ABCC5: variants seen among roughly 807,000 people sequenced by gnomAD.
ABCC5 encodes ATP-binding cassette sub-family C member 5.
A neutral mutation model predicts 160.9 loss-of-function variants in ABCC5; 61 were observed. The ratio of observed to expected loss-of-function variants is 0.38; its 90% CI spans 0.31 to 0.47. The LOEUF (loss-of-function observed/expected upper bound fraction) is 0.47, where lower values mean the gene tolerates loss of function less well. Among genes scored for constraint, ABCC5 ranks in the 20% least tolerant of loss-of-function variants. ABCC5 has a pLI of 0.99. For synonymous variants in ABCC5, 666 were observed against 700.6 expected, an observed-to-expected ratio of 0.95 and a Z score of 0.78; for missense variants, 1,308 against 1,813.3, an observed-to-expected ratio of 0.72 and a Z score of 5.06.
rs148784603 is a variant in ABCC5 at position 183,987,912 on chromosome 3, T to C, written c.449A>G (p.Glu150Gly). The C allele has an allele frequency of 2.2e-5, 35 of 1,613,884 alleles. No individual in the cohort carries two copies. The highest frequency in any genetic ancestry group is 4.2e-6 in the Non-Finnish European group (5 of 1,180,024). ...ATTCAGCTCTTCTTGCCACAGTCTC[T>C]CTAGTCTTAACAAGGGCACACGTCC... is the stretch of plus-strand genomic sequence containing the variant. The part of the protein sequence containing the change: ...ESSDVNCRRL[E>G]RLWQEELNEV... Residue 150 changes from glutamate (E) to glycine (G), a missense_variant, in exon 5 of 30, where the codon GAG becomes GGG. By Grantham distance (98) the Glu-to-Gly change is moderately conservative. Around this residue, in one of 3 missense-constraint regions of ABCC5, gnomAD observed 1,142 missense variants for 1,527.1 expected, o/e 0.75. Transcript: ENST00000334444. The surrounding 1 kb of genome is among the most constrained non-coding windows in gnomAD (Gnocchi z 4.2).
chr3:183,927,195 G>A, intron 28 of ABCC5, 135 bp downstream of exon 28: 2 of 852,180 alleles, frequency 2.3e-6, no homozygotes, highest in Non-Finnish European at 3.6e-6. Flanking sequence ...CAGGGTTAGA[G>A]TTATCTCTGG....
At position 183,949,909 on chromosome 3, in the gene ABCC5, A is replaced by G; in HGVS notation, c.3099-28T>C. The G allele has an allele frequency of 1.2e-6, 2 of 1,614,132 alleles. No individual in the cohort carries two copies. The highest frequency in any genetic ancestry group is 1.7e-6 in the Non-Finnish European group (2 of 1,179,980). The stretch of plus-strand genomic sequence containing the variant: ...GGAGAGAGAATGAGCTCCGTGTCAC[A>G]GCACCTACCCAGCAACTGAGGCTTC... On this transcript the variant is annotated intron_variant, in intron 21 of 29. Transcript: ENST00000334444. This position sits in a 1 kb window ranked among gnomAD's most constrained non-coding sequence, Gnocchi z 4.2.
rs1716997033 is a variant in ABCC5 at position 183,963,829 on chromosome 3, A to G, written c.2032-241T>C. Among the ~76,000 whole-genome samples the G allele has an allele frequency of 6.6e-6, 1 of 152,162 alleles. No homozygotes were observed. The highest frequency in any genetic ancestry group is 6.5e-5 in the Admixed American group (1 of 15,278). On this transcript the variant is annotated intron_variant, in intron 14 of 29. Coordinates refer to ENST00000334444, the MANE Select transcript of ABCC5 (RefSeq NM_005688.4). The surrounding 1 kb of genome is among the most constrained non-coding windows in gnomAD (Gnocchi z 4.6). ...CCATCTGGGTACCGATCAATCCTACATCTGGTCTTGCCAGTCCACCCGGAT... is the reference window on the plus strand; with the variant it reads ...CCATCTGGGTACCGATCAATCCTACGTCTGGTCTTGCCAGTCCACCCGGAT...
intron 28 of ABCC5, among the ~76,000 whole-genome samples, chr3:183,926,842 C>T (rs147248411): frequency 0.037 from 5,594 of 151,848 alleles, 340 homozygotes; most frequent in African/African-American, 0.13. Flanking sequence ...GTCAAGAGAT[C>T]GAGACTATCC....
At chr3:183,977,659 TGATGCTATGCAA>T (rs2108846022) in intron 9 of ABCC5, 35 bp from the exon 10 acceptor site, 20 of 1,507,936 alleles carry the variant, frequency 1.3e-5, no homozygotes, top group Non-Finnish European at 1.8e-5. Flanking sequence ...CTGTGCCTAA[TGATGCTATGCAA>T]CTGAAGTAAC....
intron 17 of ABCC5, among the ~76,000 whole-genome samples, chr3:183,955,258 G>C (rs1257565262): frequency 1.3e-5 from 2 of 152,162 alleles, no homozygotes; most frequent in Non-Finnish European, 2.9e-5. Context: ...CCAGGGCCCT[G>C]CTATCTGTCC....
intron 17 of ABCC5, among the ~76,000 whole-genome samples, chr3:183,956,348 GTA>G (rs1422297051): frequency 6.6e-6 from 1 of 151,428 alleles, no homozygotes; most frequent in Admixed American, 6.6e-5. Context: ...AGATCCGTGT[GTA>G]TATCACATCG....
In ABCC5 at chr3:183,949,647, T is replaced by G; in HGVS notation, c.3227+106A>C. 15 of 1,368,090 alleles carry G rather than the reference T, an allele frequency of 1.1e-5. No homozygotes were observed. The highest frequency in any genetic ancestry group is 1.4e-5 in the Non-Finnish European group (14 of 1,004,526). The allele number at this position is 1,368,090 out of a possible 1,614,324, so 84.7% of individuals were successfully genotyped here. ...ATTAAATCATGAATACCCTTGGTAA[T>G]GAGGTTTATAATCCCCATCTCTGGC... On this transcript the variant is annotated intron_variant, in intron 22 of 29. Transcript: ENST00000334444. The surrounding 1 kb of genome is among the most constrained non-coding windows in gnomAD (Gnocchi z 4.2).
chr3:183,938,911 T>C (rs1022633327), intron 25 of ABCC5, among the ~76,000 whole-genome samples: 19 of 152,158 alleles, frequency 1.2e-4, no homozygotes, highest in Admixed American at 1.2e-3. Context: ...GGCCCTACTG[T>C]GATAGGAAAC....
At chr3:183,972,100 G>T (rs1317835133) in intron 10 of ABCC5, 181 bp from the exon 11 acceptor site, 8 of 1,285,476 alleles carry the variant, frequency 6.2e-6, no homozygotes, top group Non-Finnish European at 8.7e-6. Context: ...TCACGGGAGT[G>T]TGGGGCAACC....
At chr3:183,995,936 T>C (rs1720243872) in intron 2 of ABCC5, among the ~76,000 whole-genome samples, 1 of 151,822 alleles carries the variant, frequency 6.6e-6, no homozygotes. Context: ...GCCTCCCGAG[T>C]AGCTGGGATT....
intron 17 of ABCC5, among the ~76,000 whole-genome samples, chr3:183,956,440 G>A (rs1436544417): frequency 1.3e-5 from 2 of 150,546 alleles, no homozygotes; most frequent in South Asian, 2.1e-4. Context: ...ATGCAGATCC[G>A]TGTGTAAATC....
At chr3:183,986,598 T>C (rs2108863121) in intron 5 of ABCC5, 1 of 152,266 alleles carries the variant, frequency 6.6e-6, no homozygotes, top group East Asian at 1.9e-4. Context: ...GTTCTTGCAT[T>C]GGCCAAATGG....
chr3:184,004,423 A>C (rs1721002052), intron 2 of ABCC5, among the ~76,000 whole-genome samples: 2 of 148,316 alleles, frequency 1.3e-5, no homozygotes, highest in South Asian at 2.2e-4. Context: ...GGGCAGGAGA[A>C]TTGCTTGAAC....
intron 11 of ABCC5, among the ~76,000 whole-genome samples, chr3:183,968,241 T>C (rs1474011806): frequency 6.6e-6 from 1 of 152,036 alleles, no homozygotes; most frequent in Non-Finnish European, 1.5e-5. Context: ...AATTCTCCTG[T>C]TGGGGTTACA....
rs1715399291 is a variant in ABCC5, at chr3:183,951,965, A to G, written c.2706T>C (p.Ser902=). 1 of 1,612,610 alleles carries G rather than the reference A, an allele frequency of 6.2e-7. No individual in the cohort carries two copies. Reference sequence around the variant, plus strand: ...TATGAGGATTGTCCTTCATGCTGTCACTCACCGAGGTCTCGTTCCCTCGAG... The same window carrying G: ...TATGAGGATTGTCCTTCATGCTGTCGCTCACCGAGGTCTCGTTCCCTCGAG... ...TVTRGNETSV[S]DSMKDNPHMQ... The change falls in exon 19 of 30, where the codon AGT becomes AGC. Residue 902 remains serine (S), a synonymous_variant. Transcript: ENST00000334444. This position sits in a 1 kb window ranked among gnomAD's most constrained non-coding sequence, Gnocchi z 4.7.
rs1321123378 is a variant in ABCC5 at position 183,949,388 on chromosome 3, A to G, written c.3227+365T>C. On this transcript the variant is annotated intron_variant, in intron 22 of 29. Transcript: ENST00000334444. This position sits in a 1 kb window ranked among gnomAD's most constrained non-coding sequence, Gnocchi z 4.2. ...ATAGCTTTTCAGGGCCAAGGCCAAT[A>G]GACTCCTAATCTGTGGGGTTTGTTC... Among the ~76,000 whole-genome samples the G allele has an allele frequency of 1.3e-5, 2 of 152,248 alleles. No homozygotes were observed.
At chr3:183,927,240 C>G in intron 28 of ABCC5, 90 bp downstream of exon 28, 1 of 1,312,512 alleles carries the variant, frequency 7.6e-7, no homozygotes, top group South Asian at 1.3e-5. Flanking sequence ...GGGATCAGAG[C>G]CAGGAATACC....
chr3:183,925,572 C>A lies in ABCC5; in HGVS notation c.4195G>T (p.Val1399Leu). 6.2e-7 allele frequency: 1 copy of A among 1,614,036 alleles called. No individual in the cohort carries two copies. The highest frequency in any genetic ancestry group is 1.1e-5 in the South Asian group (1 of 91,078). Residue 1399 changes from valine to leucine, a missense_variant, in exon 29 of 30, where the codon GTG (valine) becomes TTG (leucine). Val to Leu is a conservative substitution (Grantham distance 32, BLOSUM62 1). This residue lies in a region of ABCC5 where 163 missense variants were observed against 269.7 expected (regional missense o/e 0.60). Transcript: ENST00000334444. ...HTVLGSDRIM[V>L]LAQGQVVEFD... ...CTCGGTACCTGTCCCTGGGCCAGCA[C>A]CATAATCCTATCGGAGCCTAGAACC...
Sources: gnomAD v4.1 joint callset for allele counts (sites outside exome capture counted in the v4.1 genomes callset) on GRCh38, gnomAD v4.1.1 for gene constraint, gnomAD v4.1.1 regional missense constraint, Gnocchi (gnomAD v3.1) non-coding constraint, MANE v1.5 for transcripts, NCBI Gene and HGNC (gene_info 2026-07-23, HGNC 2026-07-21) for gene names.